Variants in GMEB2 observed in about 807,000 individuals in gnomAD.
The protein encoded by GMEB2 is glucocorticoid modulatory element binding protein 2, also known as glucocorticoid modulatory element-binding protein 2.
GMEB2 carries 7 observed loss-of-function variants against 45.7 expected under a neutral mutation model. The observed-to-expected ratio is 0.15, with a 90% CI of 0.09 to 0.29. GMEB2 has a LOEUF of 0.29. Ranked by LOEUF, GMEB2 falls within the 10% of genes least tolerant of loss-of-function variation. The pLI is 1.00. For synonymous variants in GMEB2, 322 were observed against 323.6 expected, an observed-to-expected ratio of 1.00 and a Z score of 0.05; for missense variants, 582 against 739.2, an observed-to-expected ratio of 0.79 and a Z score of 2.47.
intron 5 of GMEB2, 72 bp downstream of exon 5, chr20:63,597,684 CA>C: frequency 1.1e-6 from 1 of 890,340 alleles, no homozygotes. Context: ...TTCAAAATCC[CA>C]AAACCCCACA....
intron 1 of GMEB2, among the ~76,000 whole-genome samples, chr20:63,622,788 G>T (rs1405711847): frequency 6.6e-6 from 1 of 152,188 alleles, no homozygotes; most frequent in East Asian, 1.9e-4. Context: ...TCTGAACAGA[G>T]GGGATGGTGG....
intron 4 of GMEB2, 45 bp downstream of exon 4, chr20:63,602,920 A>C (rs766915): frequency 6.3e-6 from 10 of 1,584,518 alleles, no homozygotes; most frequent in Non-Finnish European, 8.6e-6. Flanking sequence ...AGTCACAGAC[A>C]CCATGAGGCC....
At chr20:63,591,811 C>G (rs998657516) in intron 9 of GMEB2, among the ~76,000 whole-genome samples, 2 of 152,200 alleles carry the variant, frequency 1.3e-5, no homozygotes, top group African/African-American at 4.8e-5. Flanking sequence ...ACAGAAATGC[C>G]GGTAAATGTA....
chr20:63,589,176 C>A lies in GMEB2; in HGVS notation c.*913G>T. ...TTATGCCTCTGCCCCAGGACTGAAG[C>A]CCTAGGGACACACCTCATGGATCTC... On this transcript the variant is annotated 3_prime_UTR_variant, in exon 10 of 10. Transcript: ENST00000370077. 1 of 399,232 alleles carries A rather than the reference C, an allele frequency of 2.5e-6. No homozygotes were observed. The highest frequency in any genetic ancestry group is 4.4e-6 in the Non-Finnish European group (1 of 226,132). 24.7% of individuals were successfully genotyped at this position (399,232 alleles called of 1,614,324 possible).
At chr20:63,599,326 G>A (rs890929386) in intron 4 of GMEB2, among the ~76,000 whole-genome samples, 1 of 152,242 alleles carries the variant, frequency 6.6e-6, no homozygotes, top group African/African-American at 2.4e-5. Flanking sequence ...GAATAGACAG[G>A]ACTGGTCGGG....
chr20:63,602,081 C>A (rs2083246525), intron 4 of GMEB2, among the ~76,000 whole-genome samples: 1 of 152,192 alleles, frequency 6.6e-6, no homozygotes, highest in South Asian at 2.1e-4. Context: ...AGCACTACTT[C>A]TTGTGTGTCC....
At chr20:63,591,809 G>T (rs1368785294) in intron 9 of GMEB2, among the ~76,000 whole-genome samples, 1 of 152,236 alleles carries the variant, frequency 6.6e-6, no homozygotes, top group African/African-American at 2.4e-5. Flanking sequence ...TCACAGAAAT[G>T]CCGGTAAATG....
Position 63,619,999 on chromosome 20 carries a change from A to C in GMEB2, c.-57-545T>G, listed in dbSNP as rs557224334. 6 of 152,476 alleles carry C rather than the reference A, an allele frequency of 3.9e-5. No homozygotes were observed. The East Asian group carries it at 1.2e-3, about 30-fold the overall frequency. 9.4% of individuals were successfully genotyped at this position (152,476 alleles called of 1,614,324 possible). A position where few individuals can be genotyped will look rare whatever the true frequency, so the allele number is the denominator to read the frequency against. The stretch of plus-strand genomic sequence containing the variant: ...GTCTCGCTCTGTCGCCCAGGCTGGA[A>C]TGCAGTGGCACGACCTCGGCTCACT... On this transcript the variant is annotated intron_variant, in intron 1 of 9. Transcript: ENST00000370077. The surrounding 1 kb of genome is among the most constrained non-coding windows in gnomAD (Gnocchi z 4.6).
intron 4 of GMEB2, among the ~76,000 whole-genome samples, chr20:63,599,121 A>C (rs76652511): frequency 6.6e-6 from 1 of 150,860 alleles, no homozygotes; most frequent in Non-Finnish European, 1.5e-5. Flanking sequence ...TAACGCGGCC[A>C]CTCCTGACCC....
At chr20:63,596,377 T>C (rs66987832) in intron 5 of GMEB2, among the ~76,000 whole-genome samples, 12,722 of 152,262 alleles carry the variant, frequency 0.084, 703 homozygotes, top group African/African-American at 0.15. Flanking sequence ...CTCAGTCCTG[T>C]GTGTCTCAAC....
At position 63,603,051 on chromosome 20, in the gene GMEB2, C is replaced by A. The variant is rs2083252843; in HGVS notation, c.271G>T (p.Val91Leu). ...EEGENLEAEIVYPITCGDSRA... is the reference protein window; with the variant it reads ...EEGENLEAEILYPITCGDSRA... ...CTGTCTCCACAGGTGATGGGGTACACAATCTCAGCTTCCAGGTTCTCCCCC... is the reference window on the plus strand; with the variant it reads ...CTGTCTCCACAGGTGATGGGGTACAAAATCTCAGCTTCCAGGTTCTCCCCC... Residue 91 changes from valine to leucine, a missense_variant, in exon 4 of 10, where the codon GTG becomes TTG. This residue lies in a region of GMEB2 where 114 missense variants were observed against 123.4 expected (regional missense o/e 0.92). Transcript: ENST00000370077. 2.5e-6 allele frequency: 4 copies of A among 1,613,996 alleles called. No individual in the cohort carries two copies. Among genetic ancestry groups the A allele is most frequent in the Middle Eastern group, 1.6e-4 (1 of 6,062 alleles).
At position 63,589,135 on chromosome 20, in the gene GMEB2, T is replaced by C. The variant is rs1047952166; in HGVS notation, c.*954A>G. On this transcript the variant is annotated 3_prime_UTR_variant, in exon 10 of 10. Transcript: ENST00000370077. Reference sequence around the variant, plus strand: ...CCCACATGGGAATCCTCGACCTCCATAGTGACTGGTTCTGTTTATGCCTCT... The same window carrying C: ...CCCACATGGGAATCCTCGACCTCCACAGTGACTGGTTCTGTTTATGCCTCT... The C allele has an allele frequency of 5.0e-6, 2 of 398,968 alleles. No homozygotes were observed. The highest frequency in any genetic ancestry group is 2.1e-5 in the African/African-American group (1 of 48,612). 24.7% of individuals were successfully genotyped at this position (398,968 alleles called of 1,614,324 possible).
At chr20:63,599,241 T>C (rs1363447264) in intron 4 of GMEB2, among the ~76,000 whole-genome samples, 1 of 151,506 alleles carries the variant, frequency 6.6e-6, no homozygotes, top group Non-Finnish European at 1.5e-5. Flanking sequence ...CTCGGCCCGC[T>C]CCTGACCCTC....
rs545857996 is a variant in GMEB2, at chr20:63,625,759, G to A, written c.-58+1197C>T. The stretch of plus-strand genomic sequence containing the variant: ...ATTACAAGTGCACACCACCACGCCC[G>A]GCTAACTTTTGTATTTTTAGTAGAG... On this transcript the variant is annotated intron_variant, in intron 1 of 9. Transcript: ENST00000370077. Among the ~76,000 whole-genome samples, 3 of 151,642 alleles carry A rather than the reference G, an allele frequency of 2.0e-5. No homozygotes were observed. In the South Asian group the frequency reaches 6.3e-4, roughly 32 times the overall value.
intron 6 of GMEB2, 36 bp downstream of exon 6, chr20:63,595,574 G>A: frequency 6.4e-7 from 1 of 1,554,442 alleles, no homozygotes; most frequent in Admixed American, 1.9e-5. Context: ...TGGCCAGGGT[G>A]GGGCTGGGTC....
chr20:63,625,872 A>T (rs2146100013), intron 1 of GMEB2, among the ~76,000 whole-genome samples: 1 of 152,224 alleles, frequency 6.6e-6, no homozygotes, highest in East Asian at 1.9e-4. Flanking sequence ...GTGGGATTAC[A>T]GGTGTGAGCC....
rs1167034279 is a variant in GMEB2, at chr20:63,619,544, A to C, written c.-57-90T>G. 3 of 701,900 alleles carry C rather than the reference A, an allele frequency of 4.3e-6. No homozygotes were observed. The highest frequency in any genetic ancestry group is 6.7e-6 in the Non-Finnish European group (3 of 450,506). 43.5% of individuals were successfully genotyped at this position (701,900 alleles called of 1,614,324 possible). A position where few individuals can be genotyped will look rare whatever the true frequency, so the allele number is the denominator to read the frequency against. ...CAAAGGCATCTCTAATCAGCTCCAA[A>C]GACCCACCCTTGAGTCCCAGACTGC... On this transcript the variant is annotated intron_variant, in intron 1 of 9. Transcript: ENST00000370077. The surrounding 1 kb of genome is among the most constrained non-coding windows in gnomAD (Gnocchi z 4.6).
chr20:63,600,402 C>T (rs919499286), intron 4 of GMEB2, among the ~76,000 whole-genome samples: 3 of 151,658 alleles, frequency 2.0e-5, no homozygotes, highest in African/African-American at 7.3e-5. Context: ...AGCTGCCTTG[C>T]TCTTCGGCTT....
At chr20:63,609,699 T>C (rs200481395) in intron 2 of GMEB2, among the ~76,000 whole-genome samples, 12 of 20,404 alleles carry the variant, frequency 5.9e-4, no homozygotes, top group Non-Finnish European at 1.6e-3. Context: ...CCTCCATTTC[T>C]AGAAACATGC....
Sources: allele counts gnomAD v4.1 joint callset (sites outside exome capture counted in the v4.1 genomes callset), GRCh38; gene constraint gnomAD v4.1.1; regional missense constraint gnomAD v4.1.1; non-coding constraint Gnocchi (gnomAD v3.1); transcripts MANE v1.5; gene names NCBI Gene and HGNC (gene_info 2026-07-23, HGNC 2026-07-21).